Variants in LRRTM4 observed in about 807,000 individuals in gnomAD.
LRRTM4 encodes leucine-rich repeat transmembrane neuronal protein 4.
In LRRTM4, 25 loss-of-function variants were observed where a neutral mutation model predicts 47.6. The ratio of observed to expected loss-of-function variants is 0.53; its 90% CI spans 0.38 to 0.73. The LOEUF (loss-of-function observed/expected upper bound fraction) is 0.73, where lower values mean the gene tolerates loss of function less well. LRRTM4 is among the 30% of genes least tolerant of loss of function. LRRTM4 has a pLI of 0.00. For synonymous variants in LRRTM4, 311 were observed against 269.5 expected (o/e 1.15, Z -1.51); for missense variants, 638 against 713.4 (o/e 0.89, Z 1.20).
intron 3 of LRRTM4, among the ~76,000 whole-genome samples, chr2:76,943,529 A>G (rs74807987): frequency 0.053 from 8,066 of 152,264 alleles, 491 homozygotes; most frequent in East Asian, 0.14. Context: ...GGCAACAGTT[A>G]TTGTGCCATA....
rs541880802 is a variant in LRRTM4, at chr2:77,347,862, C to T, written c.1551+170456G>A. 5.3e-5 allele frequency among the ~76,000 whole-genome samples: 8 copies of T among 152,028 alleles called. No individual in the cohort carries two copies. In the East Asian group the frequency reaches 1.5e-3, roughly 29 times the overall value. On this transcript the variant is annotated intron_variant, in intron 3 of 3. Coordinates refer to ENST00000409884, the MANE Select transcript of LRRTM4 (RefSeq NM_001134745.3). ...TATGGCACATATATATCTGTATCTA[C>T]ATCATCTATTTCTTTATATATCTAC...
At chr2:77,165,245 C>T (rs1672846832) in intron 3 of LRRTM4, among the ~76,000 whole-genome samples, 1 of 152,244 alleles carries the variant, frequency 6.6e-6, no homozygotes, top group Non-Finnish European at 1.5e-5. Context: ...CACACACACC[C>T]TCCCAAGACT....
Position 77,270,882 on chromosome 2 carries a change from G to A in LRRTM4, c.1551+247436C>T, listed in dbSNP as rs144007925. 2.4e-3 allele frequency among the ~76,000 whole-genome samples: 369 copies of A among 152,202 alleles called. 2 individuals carry two copies. The highest frequency in any genetic ancestry group is 4.3e-3 in the Admixed American group (66 of 15,298). On this transcript the variant is annotated intron_variant, in intron 3 of 3. Transcript: ENST00000409884. ...TTTCTAATTGGTTTTCTACACTGCC[G>A]TGCCCACTTTAGAGTTGTGTCTTTG...
At chr2:76,957,421 A>G (rs964846978) in intron 3 of LRRTM4, among the ~76,000 whole-genome samples, 5 of 151,770 alleles carry the variant, frequency 3.3e-5, no homozygotes, top group African/African-American at 9.7e-5. Context: ...TTCCACAGTG[A>G]TAACAAGTTA....
chr2:77,444,170 T>A (rs1464539577), intron 3 of LRRTM4, among the ~76,000 whole-genome samples: 1 of 152,094 alleles, frequency 6.6e-6, no homozygotes, highest in East Asian at 1.9e-4. Context: ...TTCTTATCAA[T>A]ATAACACCCA....
intron 3 of LRRTM4, among the ~76,000 whole-genome samples, chr2:76,915,300 A>G (rs575669385): frequency 5.3e-5 from 8 of 152,284 alleles, no homozygotes; most frequent in African/African-American, 1.7e-4. Context: ...ACTGAAAATA[A>G]TATCAAAACG....
chr2:76,922,528 G>T (rs1226958905), intron 3 of LRRTM4, among the ~76,000 whole-genome samples: 2 of 152,064 alleles, frequency 1.3e-5, no homozygotes, highest in Non-Finnish European at 2.9e-5. Context: ...GATGAGATTT[G>T]GGTGGGGGCA....
chr2:77,484,293 G>A (rs7603960), intron 3 of LRRTM4, among the ~76,000 whole-genome samples: 2,701 of 152,258 alleles, frequency 0.018, 84 homozygotes, highest in African/African-American at 0.061. Context: ...CAATGCTAAT[G>A]TATCTGATAT....
At chr2:77,352,696 A>T (rs1203610350) in intron 3 of LRRTM4, among the ~76,000 whole-genome samples, 3 of 152,074 alleles carry the variant, frequency 2.0e-5, no homozygotes, top group African/African-American at 4.8e-5. Context: ...CCAAGATAAA[A>T]TTTTTTTGCA....
chr2:77,117,558 C>T (rs1201434673), intron 3 of LRRTM4, among the ~76,000 whole-genome samples: 3 of 151,620 alleles, frequency 2.0e-5, no homozygotes, highest in Non-Finnish European at 2.9e-5. Context: ...ATGGGCATGG[C>T]AAATATCTAA....
intron 3 of LRRTM4, among the ~76,000 whole-genome samples, chr2:77,513,968 A>T (rs1679115493): frequency 6.6e-6 from 1 of 152,126 alleles, no homozygotes; most frequent in Non-Finnish European, 1.5e-5. Flanking sequence ...CTAATAATTT[A>T]AATTGTCGTA....
intron 3 of LRRTM4, among the ~76,000 whole-genome samples, chr2:77,465,377 A>T (rs1026651943): frequency 2.3e-4 from 35 of 152,174 alleles, no homozygotes; most frequent in Admixed American, 2.6e-4. Flanking sequence ...AAAGTTGATT[A>T]TATGTATGGG....
intron 3 of LRRTM4, among the ~76,000 whole-genome samples, chr2:77,011,770 T>C (rs1278210069): frequency 6.6e-6 from 1 of 152,086 alleles, no homozygotes; most frequent in Non-Finnish European, 1.5e-5. Flanking sequence ...ATATAACTCT[T>C]AAAAATTTCA....
At chr2:77,439,052 T>C (rs758386202) in intron 3 of LRRTM4, among the ~76,000 whole-genome samples, 15 of 152,192 alleles carry the variant, frequency 9.9e-5, no homozygotes, top group South Asian at 2.1e-4. Context: ...ACGTCTCTTA[T>C]AGGCTTTCTT....
intron 3 of LRRTM4, among the ~76,000 whole-genome samples, chr2:76,752,427 T>TA (rs1420547712): frequency 6.6e-6 from 1 of 152,198 alleles, no homozygotes; most frequent in Admixed American, 6.5e-5. Flanking sequence ...GTTTTGCTAT[T>TA]ACAATTGCAG....
intron 3 of LRRTM4, among the ~76,000 whole-genome samples, chr2:76,911,390 T>A (rs1423464356): frequency 6.6e-6 from 1 of 152,238 alleles, no homozygotes; most frequent in Non-Finnish European, 1.5e-5. Flanking sequence ...CCAAGAACAG[T>A]TACTGTGACA....
At chr2:77,401,936 G>C (rs1313508216) in intron 3 of LRRTM4, among the ~76,000 whole-genome samples, 1 of 151,948 alleles carries the variant, frequency 6.6e-6, no homozygotes, top group Non-Finnish European at 1.5e-5. Context: ...TTAAGTGTTT[G>C]AAAGAACGAC....
At chr2:77,280,100 G>A (rs539351242) in intron 3 of LRRTM4, among the ~76,000 whole-genome samples, 1 of 152,022 alleles carries the variant, frequency 6.6e-6, no homozygotes, top group Admixed American at 6.6e-5. Context: ...TCACTTGGGT[G>A]AGCCCAATAT....
chr2:77,085,937 G>C (rs1203254574), intron 3 of LRRTM4, among the ~76,000 whole-genome samples: 1 of 152,236 alleles, frequency 6.6e-6, no homozygotes, highest in South Asian at 2.1e-4. Flanking sequence ...CCAAAAGGAA[G>C]AAATTTCTTT....
Sources: gnomAD v4.1 joint callset for allele counts (sites outside exome capture counted in the v4.1 genomes callset) on GRCh38, gnomAD v4.1.1 for gene constraint, MANE v1.5 for transcripts, NCBI Gene and HGNC (gene_info 2026-07-23, HGNC 2026-07-21) for gene names.